ADGRD1: variants seen among roughly 807,000 people sequenced by gnomAD.
The protein encoded by ADGRD1 is adhesion G protein-coupled receptor D1.
In ADGRD1, 77 loss-of-function variants were observed where a neutral mutation model predicts 113.4. The ratio of observed to expected loss-of-function variants is 0.68; its 90% CI spans 0.57 to 0.82. The LOEUF (loss-of-function observed/expected upper bound fraction) is 0.82. ADGRD1 is among the 40% of genes least tolerant of loss of function. ADGRD1 has a pLI of 0.00. For missense variants in ADGRD1, 1,036 were observed against 1,139.1 expected (o/e 0.91, Z 1.30); for synonymous variants, 474 against 475.0 (o/e 1.00, Z 0.03).
intron 4 of ADGRD1, among the ~76,000 whole-genome samples, chr12:130,980,117 T>C (rs1367866593): frequency 6.6e-6 from 1 of 151,782 alleles, no homozygotes; most frequent in African/African-American, 2.4e-5. Context: ...CTCTTTTTTT[T>C]TTTTTGAGAC....
Position 131,070,652 on chromosome 12 carries a change from C to T in ADGRD1, c.1474-6149C>T, listed in dbSNP as rs1481893391. The T allele has an allele frequency of 3.8e-5, 13 of 343,910 alleles. No individual in the cohort carries two copies. In the East Asian group the frequency reaches 4.7e-4, roughly 12 times the overall value. The allele number at this position is 343,910 out of a possible 1,614,324, so 21.3% of individuals were successfully genotyped here. A position where few individuals can be genotyped will look rare whatever the true frequency, so the allele number is the denominator to read the frequency against. ...ATCCAGGTGAGAGGAGAGCCAGGTG[C>T]GCAGTGAGCAGAGGTGGGAGGAAAG... is the stretch of plus-strand genomic sequence containing the variant. On this transcript the variant is annotated intron_variant, in intron 13 of 24. Transcript: ENST00000261654.
intron 20 of ADGRD1, among the ~76,000 whole-genome samples, chr12:131,128,652 A>AC (rs1950807460): frequency 1.3e-5 from 2 of 152,066 alleles, no homozygotes; most frequent in African/African-American, 4.8e-5. Flanking sequence ...CTCCCTCCAA[A>AC]CAGGCAACCC....
At chr12:131,031,228 G>A (rs887789649) in intron 13 of ADGRD1, among the ~76,000 whole-genome samples, 3 of 152,174 alleles carry the variant, frequency 2.0e-5, no homozygotes, top group African/African-American at 7.2e-5. Context: ...TCATTTGTTG[G>A]GGGCTCTGAC....
chr12:131,087,412 G>A (rs1418901673), intron 15 of ADGRD1, among the ~76,000 whole-genome samples: 1 of 152,186 alleles, frequency 6.6e-6, no homozygotes, highest in Non-Finnish European at 1.5e-5. Flanking sequence ...TCAGGTGACA[G>A]GGGACCGGCA....
intron 20 of ADGRD1, among the ~76,000 whole-genome samples, chr12:131,124,105 G>A (rs894035494): frequency 3.3e-5 from 5 of 152,178 alleles, no homozygotes; most frequent in Non-Finnish European, 4.4e-5. Flanking sequence ...CTACCCCTGC[G>A]GGGAGTGCCG....
chr12:131,047,278 G>A (rs998533178), intron 13 of ADGRD1, among the ~76,000 whole-genome samples: 3 of 152,242 alleles, frequency 2.0e-5, no homozygotes, highest in Non-Finnish European at 2.9e-5. Context: ...CTGTCCTTGT[G>A]TGCTGGCCTG....
Position 131,109,309 on chromosome 12 carries a change from TTTC to T in ADGRD1, c.2041+441_2041+443del, listed in dbSNP as rs371072388. ...TTTCTTTTGCTTATTTTAGCTTTAG[TTTC>T]TTCTTCTTTTCCAGTGTGTCGAAGT... On this transcript the variant is annotated intron_variant, in intron 18 of 24. Transcript: ENST00000261654. Among the ~76,000 whole-genome samples, 1,060 of 152,334 alleles carry T rather than the reference TTTC, an allele frequency of 7.0e-3. 10 individuals carry two copies. The highest frequency in any genetic ancestry group is 0.024 in the African/African-American group (1,018 of 41,586).
At chr12:131,137,301 G>A (rs943826966) in intron 23 of ADGRD1, among the ~76,000 whole-genome samples, 3 of 152,242 alleles carry the variant, frequency 2.0e-5, no homozygotes, top group African/African-American at 7.2e-5. Context: ...AGTCCTCCTC[G>A]AGGGCCTTGG....
intron 13 of ADGRD1, among the ~76,000 whole-genome samples, chr12:131,066,939 G>A (rs1039180833): frequency 6.6e-6 from 1 of 152,194 alleles, no homozygotes; most frequent in Non-Finnish European, 1.5e-5. Context: ...AGTAAGGTGG[G>A]TGCCCCCGGA....
At chr12:131,076,957 G>T (rs1270161219) in intron 14 of ADGRD1, 83 bp downstream of exon 14, 1 of 1,107,598 alleles carries the variant, frequency 9.0e-7, no homozygotes, top group African/African-American at 1.5e-5. Flanking sequence ...GGAGGATCTG[G>T]GTCACCCATT....
intron 13 of ADGRD1, among the ~76,000 whole-genome samples, chr12:131,025,331 G>A (rs144845401): frequency 3.3e-5 from 5 of 152,108 alleles, no homozygotes; most frequent in African/African-American, 7.2e-5. Context: ...AGGATGTTGC[G>A]GGGGCCTGCT....
chr12:131,071,600 A>G (rs12814002), intron 13 of ADGRD1, among the ~76,000 whole-genome samples: 77,732 of 152,082 alleles, frequency 0.51, 20,544 homozygotes, highest in Middle Eastern at 0.6. Flanking sequence ...CTCTCCACAC[A>G]TACCATGGCC....
At chr12:130,980,598 A>G (rs1292289286) in intron 4 of ADGRD1, 2 of 150,950 alleles carry the variant, frequency 1.3e-5, no homozygotes, top group African/African-American at 4.9e-5. Context: ...GCATTTCACT[A>G]TGCTGGCCAG....
chr12:131,137,141 G>T (rs990636927), intron 23 of ADGRD1, 127 bp downstream of exon 23: 3 of 782,644 alleles, frequency 3.8e-6, no homozygotes, highest in Non-Finnish European at 6.8e-6. Context: ...AGCCAGCCAC[G>T]TTCCTGATGC....
chr12:131,105,454 G>T lies in ADGRD1; in HGVS notation c.1776-300G>T, dbSNP rs537578240. ...ACTGCATGGGAACAGCTATGCAAAG[G>T]CCCCACAGCTGGAATAAGCTGGGGC... On this transcript the variant is annotated intron_variant, in intron 16 of 24. Transcript: ENST00000261654. 8.5e-5 allele frequency among the ~76,000 whole-genome samples: 13 copies of T among 152,308 alleles called. No homozygotes were observed. In the East Asian group the frequency reaches 1.7e-3, roughly 20 times the overall value.
intron 5 of ADGRD1, 61 bp from the exon 6 acceptor site, chr12:130,987,034 A>G (rs879349943): frequency 1.7e-5 from 25 of 1,484,000 alleles, no homozygotes; most frequent in Non-Finnish European, 2.2e-5. Flanking sequence ...AACAGGAAAA[A>G]CCTGTGCATG....
At chr12:131,045,280 CTGCTTCA>C (rs1376499910) in intron 13 of ADGRD1, among the ~76,000 whole-genome samples, 1 of 152,264 alleles carries the variant, frequency 6.6e-6, no homozygotes, top group Non-Finnish European at 1.5e-5. Flanking sequence ...CCGTCCAGCA[CTGCTTCA>C]TGTGGACGCC....
intron 5 of ADGRD1, 87 bp downstream of exon 5, chr12:130,982,150 C>A: frequency 8.3e-7 from 1 of 1,205,916 alleles, no homozygotes; most frequent in Non-Finnish European, 1.2e-6. Flanking sequence ...CAACGCAGCC[C>A]AAGGAGCCCA....
intron 18 of ADGRD1, among the ~76,000 whole-genome samples, chr12:131,117,842 C>T (rs762014264): frequency 4.3e-4 from 65 of 152,246 alleles, no homozygotes; most frequent in Non-Finnish European, 7.1e-4. Flanking sequence ...CACCTTTCCA[C>T]CGCCGCTCTA....
Sources: gnomAD v4.1 joint callset for allele counts (sites outside exome capture counted in the v4.1 genomes callset) on GRCh38, gnomAD v4.1.1 for gene constraint, MANE v1.5 for transcripts, NCBI Gene and HGNC (gene_info 2026-07-23, HGNC 2026-07-21) for gene names.